The following FLI1 variants were observed in gnomAD, a reference collection of about 807,000 sequenced individuals.
FLI1 encodes the protein Friend leukemia integration 1 transcription factor.
Under a neutral mutation model 53.1 loss-of-function variants are expected in FLI1, and 13 were observed. The observed-to-expected ratio is 0.24, with a 90% CI of 0.16 to 0.39. The LOEUF is 0.39. FLI1 is among the 10% of genes least tolerant of loss of function. FLI1 has a pLI of 1.00. For missense variants in FLI1, 424 were observed against 600.5 expected, an observed-to-expected ratio of 0.71 and a Z score of 3.07; for synonymous variants, 244 against 236.7, an observed-to-expected ratio of 1.03 and a Z score of -0.28.
At position 128,810,379 on chromosome 11, in the gene FLI1, T is replaced by G. The variant is rs897323882; in HGVS notation, c.830-80T>G. 5 of 1,362,402 alleles carry G rather than the reference T, an allele frequency of 3.7e-6. No homozygotes were observed. The highest frequency in any genetic ancestry group is 4.0e-6 in the Non-Finnish European group (4 of 1,000,940). 84.4% of individuals were successfully genotyped at this position (1,362,402 alleles called of 1,614,324 possible). The stretch of plus-strand genomic sequence containing the variant: ...AGGTTTCTTTAAAAGGATGAGAAGC[T>G]CCCTGCATTTAGGGAACTGGGTTCT... On this transcript the variant is annotated intron_variant, in intron 8 of 8. Coordinates refer to ENST00000527786, the MANE Select transcript of FLI1 (RefSeq NM_002017.5). The surrounding 1 kb of genome is among the most constrained non-coding windows in gnomAD (Gnocchi z 6.6).
At chr11:128,743,082 G>T (rs1479485829) in intron 1 of FLI1, among the ~76,000 whole-genome samples, 1 of 152,150 alleles carries the variant, frequency 6.6e-6, no homozygotes, top group Non-Finnish European at 1.5e-5. Flanking sequence ...CCAGGTGGAA[G>T]TAGCAGTGCG....
chr11:128,685,632 G>A (rs191822188), upstream of FLI1, among the ~76,000 whole-genome samples: 1 of 151,008 alleles, frequency 6.6e-6, no homozygotes, highest in Non-Finnish European at 1.5e-5. Flanking sequence ...GGGCGGAGGC[G>A]GCGAAGGGAA....
At chr11:128,746,535 C>A (rs1048293208) in intron 1 of FLI1, among the ~76,000 whole-genome samples, 2 of 152,162 alleles carry the variant, frequency 1.3e-5, no homozygotes, top group African/African-American at 4.8e-5. Flanking sequence ...CCCTGCAGAC[C>A]CAGATTGAGA....
intron 2 of FLI1, among the ~76,000 whole-genome samples, chr11:128,765,878 G>C (rs1418530087): frequency 2.0e-5 from 3 of 152,178 alleles, no homozygotes; most frequent in Non-Finnish European, 2.9e-5. Flanking sequence ...ACGTGCATGT[G>C]TGTGCATGTT....
At chr11:128,751,836 T>G (rs1245667613) in intron 1 of FLI1, among the ~76,000 whole-genome samples, 2 of 151,284 alleles carry the variant, frequency 1.3e-5, no homozygotes, top group East Asian at 3.9e-4. Context: ...GTTTGTTTTT[T>G]TTTTTTTGTA....
chr11:128,796,415 T>C (rs1942446088), intron 5 of FLI1, among the ~76,000 whole-genome samples: 1 of 152,252 alleles, frequency 6.6e-6, no homozygotes, highest in Non-Finnish European at 1.5e-5. Context: ...TCAATTTCTA[T>C]TAAAATTCTT....
intron 1 of FLI1, 29 bp downstream of exon 1, chr11:128,694,305 G>T: frequency 7.5e-7 from 1 of 1,338,110 alleles, no homozygotes; most frequent in Non-Finnish European, 9.7e-7. Flanking sequence ...GACGCGGGCG[G>T]CGGGGACCGG....
chr11:128,769,677 A>C (rs1941481830), intron 3 of FLI1, among the ~76,000 whole-genome samples: 1 of 152,204 alleles, frequency 6.6e-6, no homozygotes, highest in African/African-American at 2.4e-5. Flanking sequence ...CTCCTAAAGC[A>C]ATTCTAAGTT....
intron 5 of FLI1, chr11:128,804,552 T>C (rs1942725176): frequency 6.6e-6 from 1 of 152,200 alleles, no homozygotes; most frequent in African/African-American, 2.4e-5. Context: ...CCAAGACAAC[T>C]GAGAAGCAAG....
intron 4 of FLI1, among the ~76,000 whole-genome samples, chr11:128,780,087 C>A (rs901837106): frequency 6.6e-6 from 1 of 152,194 alleles, no homozygotes; most frequent in African/African-American, 2.4e-5. Flanking sequence ...TTAACAGGAA[C>A]TTGTCCCAGC....
intron 1 of FLI1, among the ~76,000 whole-genome samples, chr11:128,708,914 T>C (rs1938669174): frequency 6.6e-6 from 1 of 152,198 alleles, no homozygotes; most frequent in Non-Finnish European, 1.5e-5. Flanking sequence ...GCCCACACAA[T>C]GTAAATATAA....
upstream of FLI1, among the ~76,000 whole-genome samples, chr11:128,685,804 C>T (rs1055327102): frequency 6.6e-6 from 1 of 151,228 alleles, no homozygotes; most frequent in Non-Finnish European, 1.5e-5. Context: ...AGCTGTGAGC[C>T]GCCACGTTAA....
At chr11:128,710,152 G>C (rs2155137) in intron 1 of FLI1, among the ~76,000 whole-genome samples, 1 of 151,946 alleles carries the variant, frequency 6.6e-6, no homozygotes, top group South Asian at 2.1e-4. Flanking sequence ...TGTCTTTCAC[G>C]GTACACTGCA....
intron 1 of FLI1, among the ~76,000 whole-genome samples, chr11:128,713,866 T>C (rs1350857368): frequency 6.6e-6 from 1 of 152,140 alleles, no homozygotes; most frequent in Non-Finnish European, 1.5e-5. Flanking sequence ...ACCCGGGGCA[T>C]TGCTAAATTA....
At chr11:128,696,925 C>T (rs1470943800) in intron 1 of FLI1, among the ~76,000 whole-genome samples, 1 of 152,198 alleles carries the variant, frequency 6.6e-6, no homozygotes, top group Non-Finnish European at 1.5e-5. Flanking sequence ...ATTTGCACAA[C>T]TCTATGTGAT....
intron 5 of FLI1, among the ~76,000 whole-genome samples, chr11:128,793,924 C>T (rs1022009978): frequency 3.3e-5 from 5 of 152,168 alleles, no homozygotes; most frequent in African/African-American, 7.2e-5. Flanking sequence ...TGACTCCTCC[C>T]GCACTGCCAA....
chr11:128,720,862 C>G (rs555333989), intron 1 of FLI1, among the ~76,000 whole-genome samples: 1 of 152,200 alleles, frequency 6.6e-6, no homozygotes, highest in African/African-American at 2.4e-5. Flanking sequence ...AGGCCCTCTG[C>G]GCCTTCTCTG....
In FLI1 at chr11:128,805,308, G is replaced by T; in HGVS notation, c.656-58G>T. The T allele has an allele frequency of 9.7e-6, 10 of 1,035,372 alleles. No homozygotes were observed. The South Asian group carries it at 1.4e-4, about 15-fold the overall frequency. 64.1% of individuals were successfully genotyped at this position (1,035,372 alleles called of 1,614,324 possible). A position where few individuals can be genotyped will look rare whatever the true frequency, so the allele number is the denominator to read the frequency against. ...CCTGATCACTACAGATAATGCTCAT[G>T]CAACTTTTCTGAGAAGCAGGCGATG... On this transcript the variant is annotated intron_variant, in intron 5 of 8. Transcript: ENST00000527786.
At position 128,809,199 on chromosome 11, in the gene FLI1, A is replaced by C; in HGVS notation, c.824A>C (p.Asn275Thr). 1 of 1,613,938 alleles carries C rather than the reference A, an allele frequency of 6.2e-7. No individual in the cohort carries two copies. Among genetic ancestry groups the C allele is most frequent in the South Asian group, 1.1e-5 (1 of 91,086 alleles). ...ILGPTSSRLANPGSGQIQLWQ... is the reference protein window; with the variant it reads ...ILGPTSSRLATPGSGQIQLWQ... ...GGCCCGACCAGCAGTCGCCTAGCCA[A>C]CCCTGGTGAGTTTACCTTGGCCTGC... is the stretch of plus-strand genomic sequence containing the variant. Residue 275 changes from asparagine to threonine, a missense_variant, in exon 8 of 9, where the codon AAC becomes ACC. Coordinates refer to ENST00000527786, the MANE Select transcript of FLI1 (RefSeq NM_002017.5).
Sources: allele counts gnomAD v4.1 joint callset (sites outside exome capture counted in the v4.1 genomes callset), GRCh38; gene constraint gnomAD v4.1.1; non-coding constraint Gnocchi (gnomAD v3.1); transcripts MANE v1.5; gene names NCBI Gene and HGNC (gene_info 2026-07-23, HGNC 2026-07-21).